Variants in RANBP17 observed in about 807,000 individuals in gnomAD.
RANBP17 encodes the protein ran-binding protein 17.
Under a neutral mutation model 141.2 loss-of-function variants are expected in RANBP17, and 158 were observed. That is an observed-to-expected ratio of 1.12 (90% confidence interval 0.98 to 1.28). RANBP17 has a LOEUF of 1.28. Among genes scored for constraint, RANBP17 ranks in the 50% most tolerant of loss-of-function variants. The pLI, the probability that RANBP17 is intolerant of heterozygous loss-of-function variation, is 0.00. For missense variants in RANBP17, 1,438 were observed against 1,290.7 expected (o/e 1.11, Z -1.75); for synonymous variants, 430 against 450.0 (o/e 0.96, Z 0.56).
At chr5:171,009,540 C>T (rs1396832711) in intron 14 of RANBP17, among the ~76,000 whole-genome samples, 1 of 152,048 alleles carries the variant, frequency 6.6e-6, no homozygotes, top group East Asian at 1.9e-4. Context: ...ATTTGTAAAT[C>T]CCCTGAATAA....
chr5:170,888,845 A>G (rs1290293811), intron 3 of RANBP17, among the ~76,000 whole-genome samples: 1 of 152,076 alleles, frequency 6.6e-6, no homozygotes, highest in Non-Finnish European at 1.5e-5. Flanking sequence ...TTGTAGATGT[A>G]CTTTATCAAA....
At chr5:170,881,960 T>C (rs1030413871) in intron 3 of RANBP17, 64 bp downstream of exon 3, 24 of 1,083,030 alleles carry the variant, frequency 2.2e-5, no homozygotes, top group South Asian at 3.4e-5. Context: ...TTAAATATAC[T>C]AAACTGTTAC....
At chr5:171,283,887 T>C (rs1215166953) in intron 25 of RANBP17, among the ~76,000 whole-genome samples, 1 of 152,252 alleles carries the variant, frequency 6.6e-6, no homozygotes, top group Non-Finnish European at 1.5e-5. Context: ...TCTGAGAGTT[T>C]CTGTTTCTTG....
intron 14 of RANBP17, among the ~76,000 whole-genome samples, chr5:171,099,408 G>A (rs900509111): frequency 1.3e-5 from 2 of 149,538 alleles, no homozygotes; most frequent in African/African-American, 4.9e-5. Flanking sequence ...TGATTTGGCT[G>A]ATATTGGTGT....
chr5:170,885,341 G>A lies in RANBP17; in HGVS notation c.256+3445G>A, dbSNP rs1167071176. On this transcript the variant is annotated intron_variant, in intron 3 of 27. Coordinates refer to ENST00000523189, the MANE Select transcript of RANBP17 (RefSeq NM_022897.5). The stretch of plus-strand genomic sequence containing the variant: ...TAAACCTCAGAATTCTCATTTTGGG[G>A]TAATATCATCCATTTCAGTTCCCTA... 3.9e-5 allele frequency among the ~76,000 whole-genome samples: 6 copies of A among 152,232 alleles called. No individual in the cohort carries two copies. In the South Asian group the frequency reaches 1.0e-3, roughly 26 times the overall value.
intron 22 of RANBP17, among the ~76,000 whole-genome samples, chr5:171,238,170 A>G (rs1764656438): frequency 6.6e-6 from 1 of 152,152 alleles, no homozygotes; most frequent in Admixed American, 6.5e-5. Flanking sequence ...GTCTTAACCC[A>G]TTTATGCCTA....
intron 14 of RANBP17, among the ~76,000 whole-genome samples, chr5:171,063,225 G>A (rs2127676805): frequency 6.6e-6 from 1 of 152,308 alleles, no homozygotes; most frequent in Non-Finnish European, 1.5e-5. Flanking sequence ...CTTTGGAGGA[G>A]GAGAGGCGCT....
At chr5:171,208,479 G>A (rs1762699582) in intron 20 of RANBP17, among the ~76,000 whole-genome samples, 1 of 152,156 alleles carries the variant, frequency 6.6e-6, no homozygotes, top group African/African-American at 2.4e-5. Context: ...AATTTTCCTA[G>A]ATCATACTTA....
At chr5:171,186,618 G>T (rs374578112) in intron 18 of RANBP17, among the ~76,000 whole-genome samples, 12 of 117,462 alleles carry the variant, frequency 1.0e-4, no homozygotes, top group East Asian at 5.8e-4. Context: ...CTCACTGCAA[G>T]CTCCGCCTCC....
At chr5:171,252,002 G>A (rs547202999) in intron 24 of RANBP17, 71 of 1,608,950 alleles carry the variant, frequency 4.4e-5, no homozygotes, top group East Asian at 1.3e-4. Flanking sequence ...CGTCCATTTC[G>A]GGAAACAGTT....
intron 2 of RANBP17, among the ~76,000 whole-genome samples, chr5:170,881,508 C>T (rs984758232): frequency 1.3e-5 from 2 of 152,078 alleles, no homozygotes; most frequent in Non-Finnish European, 2.9e-5. Context: ...GGCTGTAGAC[C>T]ATGGTAAAAG....
chr5:170,955,679 T>TACAC (rs1225445594), intron 13 of RANBP17, among the ~76,000 whole-genome samples: 7 of 28,428 alleles, frequency 2.5e-4, no homozygotes, highest in African/African-American at 4.5e-4. Context: ...TATATATATA[T>TACAC]ATACACTGAA....
At chr5:170,879,789 A>G (rs1304829997) in intron 2 of RANBP17, among the ~76,000 whole-genome samples, 2 of 152,182 alleles carry the variant, frequency 1.3e-5, no homozygotes, top group Admixed American at 6.5e-5. Flanking sequence ...CTATTAAACT[A>G]TTGTGTGAGG....
At chr5:170,877,871 G>A (rs952319995) in intron 1 of RANBP17, among the ~76,000 whole-genome samples, 6 of 152,046 alleles carry the variant, frequency 3.9e-5, no homozygotes, top group Non-Finnish European at 7.4e-5. Context: ...TCCCTTTCTT[G>A]TACTTTTCCA....
chr5:171,230,340 A>G (rs979955388), intron 22 of RANBP17, among the ~76,000 whole-genome samples: 5 of 152,226 alleles, frequency 3.3e-5, no homozygotes, highest in African/African-American at 1.2e-4. Flanking sequence ...TAAATATAGA[A>G]CAGCCTGGTT....
At chr5:171,170,242 T>G in intron 15 of RANBP17, 39 bp downstream of exon 15, 1 of 1,124,356 alleles carries the variant, frequency 8.9e-7, no homozygotes, top group South Asian at 1.6e-5. Context: ...TCTTTTGTTG[T>G]TGTTTTAAAT....
chr5:170,863,514 G>A (rs945394015), intron 1 of RANBP17: 8 of 152,180 alleles, frequency 5.3e-5, no homozygotes, highest in African/African-American at 1.9e-4. Flanking sequence ...ATTACCTTTT[G>A]ACTTCATGCC....
intron 3 of RANBP17, among the ~76,000 whole-genome samples, chr5:170,889,473 G>A (rs945240268): frequency 2.0e-5 from 3 of 151,988 alleles, no homozygotes; most frequent in Non-Finnish European, 4.4e-5. Context: ...ACAAAAAATC[G>A]GAATGAACCA....
chr5:171,265,576 G>A, intron 24 of RANBP17, 105 bp from the exon 25 acceptor site: 1 of 1,073,348 alleles, frequency 9.3e-7, no homozygotes, highest in Non-Finnish European at 1.3e-6. Context: ...TTTGATAAAA[G>A]CACTTTGAAA....
Sources: gnomAD v4.1 joint callset for allele counts (sites outside exome capture counted in the v4.1 genomes callset) on GRCh38, gnomAD v4.1.1 for gene constraint, MANE v1.5 for transcripts, NCBI Gene and HGNC (gene_info 2026-07-23, HGNC 2026-07-21) for gene names.